Variants in ANKRD55 observed in about 807,000 individuals in gnomAD.
ANKRD55 encodes ankyrin repeat domain-containing protein 55.
ANKRD55 carries 41 observed loss-of-function variants against 60.6 expected under a neutral mutation model. The ratio of observed to expected loss-of-function variants is 0.68; its 90% confidence interval spans 0.53 to 0.88. ANKRD55 has a LOEUF of 0.88. Ranked by LOEUF, ANKRD55 falls within the 40% of genes least tolerant of loss-of-function variation. The pLI, the probability that ANKRD55 is intolerant of heterozygous loss-of-function variation, is 0.00. For synonymous variants in ANKRD55, 264 were observed against 290.3 expected, an observed-to-expected ratio of 0.91 and a Z score of 0.92; for missense variants, 732 against 767.6, an observed-to-expected ratio of 0.95 and a Z score of 0.55.
intron 4 of ANKRD55, among the ~76,000 whole-genome samples, chr5:56,175,147 G>A (rs1758711970): frequency 6.6e-6 from 1 of 152,284 alleles, no homozygotes; most frequent in South Asian, 2.1e-4. Flanking sequence ...GAAAAAGTAG[G>A]CTCTAAAGGA....
chr5:56,176,410 G>A, intron 3 of ANKRD55, 128 bp from the exon 4 acceptor site: 1 of 989,264 alleles, frequency 1.0e-6, no homozygotes, highest in Non-Finnish European at 1.5e-6. Flanking sequence ...GGGACTGAAG[G>A]GAGATGAAGC....
intron 6 of ANKRD55, among the ~76,000 whole-genome samples, chr5:56,159,048 T>C (rs574993123): frequency 2.0e-4 from 30 of 152,224 alleles, no homozygotes; most frequent in African/African-American, 7.0e-4. Flanking sequence ...GGTCTCACTT[T>C]GTTGCCAGGC....
At chr5:56,134,797 A>G (rs1468435404) in intron 7 of ANKRD55, among the ~76,000 whole-genome samples, 1 of 152,164 alleles carries the variant, frequency 6.6e-6, no homozygotes, top group African/African-American at 2.4e-5. Flanking sequence ...CAAAGATATT[A>G]TAAGAAAACT....
chr5:56,226,572 T>G (rs1195172131), intron 2 of ANKRD55, among the ~76,000 whole-genome samples: 1 of 151,992 alleles, frequency 6.6e-6, no homozygotes, highest in Non-Finnish European at 1.5e-5. Flanking sequence ...GGGAGAAAAT[T>G]TTTGCAATCT....
chr5:56,114,578 A>G (rs2111685541), intron 9 of ANKRD55, among the ~76,000 whole-genome samples: 1 of 152,358 alleles, frequency 6.6e-6, no homozygotes, highest in Middle Eastern at 3.4e-3. Flanking sequence ...CATCTGGAAG[A>G]TCTTTATAAT....
rs928046360 is a variant in ANKRD55, at chr5:56,100,051, G to A, written c.*132C>T. The A allele has an allele frequency of 1.3e-5, 16 of 1,197,142 alleles. No individual in the cohort carries two copies. Among genetic ancestry groups the A allele is most frequent in the Middle Eastern group, 5.8e-4 (2 of 3,420 alleles). 74.2% of individuals were successfully genotyped at this position (1,197,142 alleles called of 1,614,324 possible). The stretch of plus-strand genomic sequence containing the variant: ...ATCTTTATTTGGAATAAAGAATTTC[G>A]AGTTATAAAACTGATGGCTTATAGA... On this transcript the variant is annotated 3_prime_UTR_variant, in exon 12 of 12. Transcript: ENST00000341048.
chr5:56,230,093 A>T (rs1339444255), intron 2 of ANKRD55, among the ~76,000 whole-genome samples: 2 of 152,048 alleles, frequency 1.3e-5, no homozygotes, highest in Non-Finnish European at 2.9e-5. Flanking sequence ...ATTTCTTCAG[A>T]TGATTCTTTT....
At chr5:56,114,666 T>C (rs1328740681) in intron 9 of ANKRD55, among the ~76,000 whole-genome samples, 1 of 152,220 alleles carries the variant, frequency 6.6e-6, no homozygotes, top group African/African-American at 2.4e-5. Context: ...CCATTTAAAG[T>C]ATAAGGTATA....
intron 11 of ANKRD55, 84 bp from the exon 12 acceptor site, chr5:56,100,388 G>A: frequency 6.5e-7 from 1 of 1,534,420 alleles, no homozygotes; most frequent in Non-Finnish European, 9.0e-7. Flanking sequence ...TGTGTTTTAG[G>A]AGTCGAGGCA....
chr5:56,106,584 T>C (rs1756486724), intron 10 of ANKRD55, among the ~76,000 whole-genome samples: 1 of 151,866 alleles, frequency 6.6e-6, no homozygotes, highest in Admixed American at 6.6e-5. Context: ...CCACCACACC[T>C]GGCTAATTTT....
At chr5:56,218,147 C>A (rs551567776) in intron 2 of ANKRD55, among the ~76,000 whole-genome samples, 2 of 152,240 alleles carry the variant, frequency 1.3e-5, no homozygotes, top group African/African-American at 4.8e-5. Flanking sequence ...GAAGTGATTT[C>A]TTGAGATCAT....
chr5:56,181,745 G>A (rs143025494), intron 3 of ANKRD55, among the ~76,000 whole-genome samples: 3,112 of 152,108 alleles, frequency 0.02, 51 homozygotes, highest in Non-Finnish European at 0.027. Context: ...TTATGCCACC[G>A]TACCCAGCTA....
At chr5:56,226,553 C>T (rs1760114119) in intron 2 of ANKRD55, among the ~76,000 whole-genome samples, 1 of 151,364 alleles carries the variant, frequency 6.6e-6, no homozygotes, top group Admixed American at 6.6e-5. Flanking sequence ...AACAGGCAAC[C>T]TGCAGAATGG....
At chr5:56,225,590 G>C (rs149354) in intron 2 of ANKRD55, among the ~76,000 whole-genome samples, 50,476 of 151,900 alleles carry the variant, frequency 0.33, 9,343 homozygotes, top group East Asian at 0.84. Context: ...AAACCCCATC[G>C]TCTCAGCCCC....
intron 7 of ANKRD55, among the ~76,000 whole-genome samples, chr5:56,130,978 T>C (rs749609772): frequency 2.2e-4 from 33 of 151,520 alleles, no homozygotes; most frequent in Non-Finnish European, 5.9e-5. Context: ...AACAGAATAT[T>C]CACAGACTGT....
rs770916084 is a variant in ANKRD55, at chr5:56,205,411, A to G, written c.59-21777T>C. Among the ~76,000 whole-genome samples, 74 of 152,314 alleles carry G rather than the reference A, an allele frequency of 4.9e-4. 2 individuals carry two copies. In the Middle Eastern group the frequency reaches 0.01, roughly 21 times the overall value. ...GGGAAGAACTAGTTCTGGTGGGTAG[A>G]AGTTGGAATTAATAAGACTTTTGAA... On this transcript the variant is annotated intron_variant, in intron 2 of 11. Transcript: ENST00000341048.
At chr5:56,108,434 G>A (rs1580937110) in intron 10 of ANKRD55, 1 of 152,174 alleles carries the variant, frequency 6.6e-6, no homozygotes, top group East Asian at 1.9e-4. Flanking sequence ...TTCCCTTCCT[G>A]ATCCTTCTGC....
intron 7 of ANKRD55, among the ~76,000 whole-genome samples, chr5:56,128,013 C>T (rs116647415): frequency 1.1e-3 from 164 of 152,218 alleles, no homozygotes; most frequent in African/African-American, 3.6e-3. Flanking sequence ...TTTAGGTGAG[C>T]ACACCTAAGC....
chr5:56,191,058 T>C (rs1429208402), intron 2 of ANKRD55, among the ~76,000 whole-genome samples: 6 of 152,210 alleles, frequency 3.9e-5, no homozygotes, highest in Non-Finnish European at 8.8e-5. Context: ...AGTTCTATTC[T>C]ACTGATCTAT....
Sources: allele counts gnomAD v4.1 joint callset (sites outside exome capture counted in the v4.1 genomes callset), GRCh38; gene constraint gnomAD v4.1.1; transcripts MANE v1.5; gene names NCBI Gene and HGNC (gene_info 2026-07-23, HGNC 2026-07-21).